The following PDE4B variants were observed in gnomAD, a reference collection of about 807,000 sequenced individuals.
PDE4B encodes the protein 3',5'-cyclic-AMP phosphodiesterase 4B.
Under a neutral mutation model 82.2 loss-of-function variants are expected in PDE4B, and 20 were observed. The ratio of observed to expected loss-of-function variants is 0.24; its 90% CI spans 0.17 to 0.35. The LOEUF is 0.35. Among genes scored for constraint, PDE4B ranks in the 10% least tolerant of loss-of-function variants. The pLI, the probability that PDE4B is intolerant of heterozygous loss-of-function variation, is 1.00. For synonymous variants in PDE4B, 320 were observed against 318.9 expected (o/e 1.00, Z -0.04); for missense variants, 655 against 907.2 (o/e 0.72, Z 3.57).
At chr1:65,840,546 G>C in intron 1 of PDE4B, among the ~76,000 whole-genome samples, 1 of 152,118 alleles carries the variant, frequency 6.6e-6, no homozygotes, top group Non-Finnish European at 1.5e-5. Flanking sequence ...AAACAAAAAA[G>C]AGTTTGAAGA....
chr1:66,159,131 G>A (rs1251629697), intron 3 of PDE4B, among the ~76,000 whole-genome samples: 1 of 152,124 alleles, frequency 6.6e-6, no homozygotes, highest in Admixed American at 6.5e-5. Flanking sequence ...TTTAAGTGGT[G>A]AATGTGATAA....
rs1335164370 is a variant in PDE4B at position 65,936,662 on chromosome 1, T to C, written c.281+17827T>C. On this transcript the variant is annotated intron_variant, in intron 3 of 16. Coordinates refer to ENST00000341517, the MANE Select transcript of PDE4B (RefSeq NM_002600.4). ...CTAGGGTAGGACCTAACATTTTGTG[T>C]GTCTAACAAGTCTCCAGGTGATAGT... Among the ~76,000 whole-genome samples, 4 of 152,170 alleles carry C rather than the reference T, an allele frequency of 2.6e-5. No individual in the cohort carries two copies. The East Asian group carries it at 7.7e-4, about 29-fold the overall frequency.
chr1:66,204,924 C>T (rs569888207), intron 3 of PDE4B, among the ~76,000 whole-genome samples: 42 of 152,324 alleles, frequency 2.8e-4, no homozygotes, highest in Admixed American at 7.8e-4. Context: ...AGAAATCACC[C>T]GTCTTCTGTG....
chr1:65,796,955 A>AT (rs71058430), intron 1 of PDE4B, among the ~76,000 whole-genome samples: 7,164 of 131,154 alleles, frequency 0.055, 194 homozygotes, highest in East Asian at 0.12. Context: ...AGCCTGAAAC[A>AT]TTTTTTTTTT....
intron 1 of PDE4B, among the ~76,000 whole-genome samples, chr1:65,888,747 T>C (rs913156057): frequency 2.0e-5 from 3 of 152,284 alleles, no homozygotes; most frequent in Middle Eastern, 3.4e-3. Flanking sequence ...CTTTCTCAAC[T>C]AGTTTATTAT....
chr1:66,183,844 C>A (rs1011131847), intron 3 of PDE4B, among the ~76,000 whole-genome samples: 1 of 152,140 alleles, frequency 6.6e-6, no homozygotes, highest in Non-Finnish European at 1.5e-5. Flanking sequence ...CCACACGTAC[C>A]TTAAATCACA....
At chr1:66,286,014 TA>T (rs1305643181) in intron 7 of PDE4B, among the ~76,000 whole-genome samples, 1 of 152,182 alleles carries the variant, frequency 6.6e-6, no homozygotes, top group Non-Finnish European at 1.5e-5. Flanking sequence ...TTTCCCATCA[TA>T]AACTTCGTAA....
chr1:65,806,462 A>G (rs1220155749), intron 1 of PDE4B, among the ~76,000 whole-genome samples: 2 of 152,328 alleles, frequency 1.3e-5, no homozygotes, highest in South Asian at 4.1e-4. Context: ...TCTCCCATGA[A>G]TGCATAACAA....
chr1:65,929,504 T>G (rs1647709731), intron 3 of PDE4B, among the ~76,000 whole-genome samples: 1 of 152,182 alleles, frequency 6.6e-6, no homozygotes, highest in Admixed American at 6.5e-5. Context: ...CCCACTTTCA[T>G]GATAAGAGTT....
rs140129225 is a variant in PDE4B at position 66,176,286 on chromosome 1, G to A, written c.282-71174G>A. Among the ~76,000 whole-genome samples, 513 of 152,248 alleles carry A rather than the reference G, an allele frequency of 3.4e-3. 4 individuals carry two copies. Among genetic ancestry groups the A allele is most frequent in the Non-Finnish European group, 5.0e-3 (342 of 68,004 alleles). ...ACGGATAGTGTCTTGAGAGAACCCC[G>A]CCTACAAAACCACAGATCTAACACA... On this transcript the variant is annotated intron_variant, in intron 3 of 16. Transcript: ENST00000341517.
At chr1:65,899,655 T>C (rs1416694908) in intron 1 of PDE4B, among the ~76,000 whole-genome samples, 2 of 148,084 alleles carry the variant, frequency 1.4e-5, no homozygotes, top group African/African-American at 4.9e-5. Context: ...ATATATATTA[T>C]ATATATTCCA....
intron 3 of PDE4B, among the ~76,000 whole-genome samples, chr1:65,951,412 A>G (rs1023001131): frequency 4.6e-5 from 7 of 152,038 alleles, no homozygotes; most frequent in Admixed American, 2.6e-4. Flanking sequence ...TGGCTTTCCT[A>G]TTTTTTTAGT....
intron 1 of PDE4B, among the ~76,000 whole-genome samples, chr1:65,894,074 A>G (rs1350070912): frequency 6.6e-6 from 1 of 152,074 alleles, no homozygotes; most frequent in Non-Finnish European, 1.5e-5. Context: ...GGCGCACTAA[A>G]ATCTCAGAAA....
In PDE4B at chr1:66,156,318, A is replaced by G. The variant is rs540815160; in HGVS notation, c.282-91142A>G. Among the ~76,000 whole-genome samples the G allele has an allele frequency of 3.3e-5, 5 of 152,270 alleles. No homozygotes were observed. The East Asian group carries it at 7.7e-4, about 24-fold the overall frequency. On this transcript the variant is annotated intron_variant, in intron 3 of 16. Coordinates refer to ENST00000341517, the MANE Select transcript of PDE4B (RefSeq NM_002600.4). Reference sequence around the variant, plus strand: ...AACTCTTATAAGTTGCACACAAACAAGAAGTAGGAGAGTGTTTATGATGTC... The same window carrying G: ...AACTCTTATAAGTTGCACACAAACAGGAAGTAGGAGAGTGTTTATGATGTC...
At chr1:66,042,532 T>A (rs1654442203) in intron 3 of PDE4B, 1 of 151,764 alleles carries the variant, frequency 6.6e-6, no homozygotes, top group Non-Finnish European at 1.5e-5. Flanking sequence ...ATTTATTGAA[T>A]TCAAAGGGCA....
At chr1:66,095,002 T>A (rs1319046101) in intron 3 of PDE4B, among the ~76,000 whole-genome samples, 1 of 151,900 alleles carries the variant, frequency 6.6e-6, no homozygotes, top group Non-Finnish European at 1.5e-5. Flanking sequence ...TGAGACTGAC[T>A]GGTTAAGTAA....
At chr1:66,262,824 GC>G (rs1323788049) in intron 6 of PDE4B, among the ~76,000 whole-genome samples, 1 of 152,150 alleles carries the variant, frequency 6.6e-6, no homozygotes, top group African/African-American at 2.4e-5. Context: ...TCTAAATAAA[GC>G]CATATTTTCA....
intron 1 of PDE4B, among the ~76,000 whole-genome samples, chr1:65,882,976 T>C (rs1646726302): frequency 6.6e-6 from 1 of 152,180 alleles, no homozygotes; most frequent in South Asian, 2.1e-4. Context: ...CATTTGAATC[T>C]TTCCTGCATC....
At chr1:66,209,237 C>T (rs962070213) in intron 3 of PDE4B, among the ~76,000 whole-genome samples, 26 of 152,140 alleles carry the variant, frequency 1.7e-4, no homozygotes, top group African/African-American at 6.3e-4. Context: ...AATTATGGCA[C>T]CATTAATCCA....
Sources: allele counts gnomAD v4.1 joint callset (sites outside exome capture counted in the v4.1 genomes callset), GRCh38; gene constraint gnomAD v4.1.1; transcripts MANE v1.5; gene names NCBI Gene and HGNC (gene_info 2026-07-23, HGNC 2026-07-21).